The following SBF2 variants were observed in gnomAD, a reference collection of about 807,000 sequenced individuals.
The protein encoded by SBF2 is SET binding factor 2, also known as myotubularin-related protein 13.
In SBF2, 112 loss-of-function variants were observed where a neutral mutation model predicts 225.2. The observed-to-expected ratio is 0.50, with a 90% CI of 0.43 to 0.58. SBF2 has a LOEUF of 0.58. SBF2 is among the 20% of genes least tolerant of loss of function. The pLI is 0.00. For missense variants in SBF2, 1,996 were observed against 2,206.2 expected, an observed-to-expected ratio of 0.90 and a Z score of 1.91; for synonymous variants, 763 against 773.3, an observed-to-expected ratio of 0.99 and a Z score of 0.22.
At chr11:9,853,519 T>C (rs1424902795) in intron 20 of SBF2, 21 bp downstream of exon 20, 3 of 1,608,210 alleles carry the variant, frequency 1.9e-6, no homozygotes, top group Non-Finnish European at 2.6e-6. Flanking sequence ...TCTGATTCTC[T>C]AATATCTGCA....
intron 1 of SBF2, among the ~76,000 whole-genome samples, chr11:10,232,856 A>G (rs777617401): frequency 6.6e-6 from 1 of 152,208 alleles, no homozygotes; most frequent in Admixed American, 6.5e-5. Context: ...TGTTACTTCT[A>G]TAACAGCAAG....
At chr11:10,130,855 T>A (rs1954009723) in intron 2 of SBF2, among the ~76,000 whole-genome samples, 5 of 152,170 alleles carry the variant, frequency 3.3e-5, no homozygotes, top group Admixed American at 3.3e-4. Flanking sequence ...CTGTCCAAAT[T>A]TTTGAGGGTA....
At position 9,989,529 on chromosome 11, in the gene SBF2, C is replaced by T. The variant is rs1325438512; in HGVS notation, c.1363G>A (p.Val455Ile). 6.2e-7 allele frequency: 1 copy of T among 1,607,920 alleles called. No individual in the cohort carries two copies. Among genetic ancestry groups the T allele is most frequent in the Non-Finnish European group, 8.5e-7 (1 of 1,175,236 alleles). Residue 455 changes from valine (V) to isoleucine (I), a missense_variant, in exon 13 of 40, where the codon GTC (valine) becomes ATC (isoleucine). Transcript: ENST00000256190. ...ENNPVKMIKH[V>I]RELAEQLFKN... is the part of the protein sequence containing the mutation. Reference sequence around the variant, plus strand: ...AATAGTTGCTCAGCAAGTTCCCTGACATGCTTTATCATCTTCACTGGGTTA... The same window carrying T: ...AATAGTTGCTCAGCAAGTTCCCTGATATGCTTTATCATCTTCACTGGGTTA...
At chr11:10,284,586 G>T (rs1326701220) in intron 1 of SBF2, among the ~76,000 whole-genome samples, 1 of 151,944 alleles carries the variant, frequency 6.6e-6, no homozygotes, top group Non-Finnish European at 1.5e-5. Flanking sequence ...AAAGACAAGG[G>T]GTTTTTGCTT....
At chr11:9,918,800 G>A (rs971502303) in intron 16 of SBF2, among the ~76,000 whole-genome samples, 7 of 151,230 alleles carry the variant, frequency 4.6e-5, no homozygotes, top group Non-Finnish European at 1.0e-4. Flanking sequence ...GTGCAGTGGC[G>A]TGATCTCGGC....
intron 2 of SBF2, among the ~76,000 whole-genome samples, chr11:10,122,843 T>C (rs537838884): frequency 2.0e-5 from 3 of 152,280 alleles, no homozygotes; most frequent in African/African-American, 7.2e-5. Context: ...TTTACTAGAG[T>C]AGATTACAAG....
chr11:10,029,537 T>C (rs1175539663), intron 5 of SBF2, among the ~76,000 whole-genome samples: 1 of 152,224 alleles, frequency 6.6e-6, no homozygotes, highest in Non-Finnish European at 1.5e-5. Flanking sequence ...AATTATGCTA[T>C]GTGAAAGATG....
At chr11:10,258,415 T>C (rs1233721675) in intron 1 of SBF2, among the ~76,000 whole-genome samples, 2 of 152,068 alleles carry the variant, frequency 1.3e-5, no homozygotes, top group African/African-American at 4.8e-5. Context: ...AGCCAAGAGG[T>C]AAATAAGTAA....
chr11:10,063,858 C>CACACACACAGAG (rs373423157), intron 2 of SBF2, among the ~76,000 whole-genome samples: 33 of 136,238 alleles, frequency 2.4e-4, no homozygotes, highest in Admixed American at 7.7e-4. Context: ...CACACACACA[C>CACACACACAGAG]AGAGAGAGAG....
chr11:10,083,551 C>A (rs998713138), intron 2 of SBF2, among the ~76,000 whole-genome samples: 1 of 151,872 alleles, frequency 6.6e-6, no homozygotes, highest in East Asian at 1.9e-4. Flanking sequence ...ATGGAACATA[C>A]CAGAGAACTA....
intron 2 of SBF2, among the ~76,000 whole-genome samples, chr11:10,161,093 G>A (rs576854074): frequency 1.3e-5 from 2 of 149,754 alleles, no homozygotes; most frequent in South Asian, 4.2e-4. Context: ...AGTAAGGCAG[G>A]AGAATTGCTT....
chr11:9,887,013 T>C (rs1860378653), intron 17 of SBF2, among the ~76,000 whole-genome samples: 1 of 152,162 alleles, frequency 6.6e-6, no homozygotes, highest in Admixed American at 6.5e-5. Flanking sequence ...AGGACATCAA[T>C]GTCTACTGAA....
chr11:10,041,488 T>A (rs1374436178), intron 3 of SBF2, among the ~76,000 whole-genome samples: 1 of 152,194 alleles, frequency 6.6e-6, no homozygotes, highest in Non-Finnish European at 1.5e-5. Flanking sequence ...GACTTTGATA[T>A]GGCTTTCTAC....
intron 2 of SBF2, among the ~76,000 whole-genome samples, chr11:10,120,828 T>C (rs1471747811): frequency 6.6e-6 from 1 of 152,104 alleles, no homozygotes; most frequent in African/African-American, 2.4e-5. Context: ...CCATGTTGAT[T>C]AGGCTGGTCT....
At chr11:10,064,539 C>T (rs2134772271) in intron 2 of SBF2, among the ~76,000 whole-genome samples, 1 of 151,938 alleles carries the variant, frequency 6.6e-6, no homozygotes, top group South Asian at 2.1e-4. Context: ...ATACTGTGTA[C>T]AAGAAACATT....
chr11:10,066,133 T>TA (rs1406277788), intron 2 of SBF2, among the ~76,000 whole-genome samples: 1 of 151,836 alleles, frequency 6.6e-6, no homozygotes, highest in East Asian at 1.9e-4. Flanking sequence ...TACTAAACAT[T>TA]AAAGGTTTTT....
intron 6 of SBF2, among the ~76,000 whole-genome samples, chr11:10,019,873 G>C (rs987667479): frequency 6.6e-6 from 1 of 152,108 alleles, no homozygotes. Flanking sequence ...TTCTTTTAAA[G>C]AAAACATTTT....
At chr11:9,783,929 G>T (rs1226229612) in intron 38 of SBF2, among the ~76,000 whole-genome samples, 1 of 152,202 alleles carries the variant, frequency 6.6e-6, no homozygotes. Flanking sequence ...GATGCTTTCT[G>T]CTGCGAGGAC....
chr11:10,281,102 G>A (rs1963378166), intron 1 of SBF2, among the ~76,000 whole-genome samples: 1 of 151,746 alleles, frequency 6.6e-6, no homozygotes, highest in African/African-American at 2.4e-5. Flanking sequence ...ATTTATAATG[G>A]TTTAAACATG....
Sources: allele counts gnomAD v4.1 joint callset (sites outside exome capture counted in the v4.1 genomes callset), GRCh38; gene constraint gnomAD v4.1.1; transcripts MANE v1.5; gene names NCBI Gene and HGNC (gene_info 2026-07-23, HGNC 2026-07-21).